Variants in TLL1 observed in about 807,000 individuals in gnomAD.
TLL1 encodes tolloid like 1.
TLL1 carries 49 observed loss-of-function variants against 128.2 expected under a neutral mutation model. The observed-to-expected ratio is 0.38, with a 90% CI of 0.30 to 0.48. The LOEUF is 0.48. Ranked by LOEUF, TLL1 falls within the 20% of genes least tolerant of loss-of-function variation. The pLI, the probability that TLL1 is intolerant of heterozygous loss-of-function variation, is 0.96. For missense variants in TLL1, 1,123 were observed against 1,242.0 expected (o/e 0.90, Z 1.44); for synonymous variants, 454 against 418.8 (o/e 1.08, Z -1.03).
At chr4:165,992,148 A>G (rs190772061) in intron 2 of TLL1, among the ~76,000 whole-genome samples, 2 of 152,074 alleles carry the variant, frequency 1.3e-5, no homozygotes, top group Admixed American at 1.3e-4. Flanking sequence ...GACTTTTTTT[A>G]CACTCTGTTT....
intron 1 of TLL1, among the ~76,000 whole-genome samples, chr4:165,902,469 T>C (rs1013401779): frequency 2.0e-5 from 3 of 152,108 alleles, no homozygotes; most frequent in Admixed American, 1.3e-4. Flanking sequence ...AAAAGCACAG[T>C]ATTTGAGCCA....
At chr4:165,997,726 A>G (rs956744130) in intron 5 of TLL1, among the ~76,000 whole-genome samples, 1 of 152,180 alleles carries the variant, frequency 6.6e-6, no homozygotes, top group African/African-American at 2.4e-5. Context: ...AATAAAATAT[A>G]ATAAGCAAAA....
intron 18 of TLL1, among the ~76,000 whole-genome samples, chr4:166,088,477 T>C (rs1022368541): frequency 5.3e-5 from 8 of 152,084 alleles, no homozygotes; most frequent in African/African-American, 1.7e-4. Flanking sequence ...ATCTTTACTA[T>C]ACAAGGGACA....
intron 9 of TLL1, among the ~76,000 whole-genome samples, chr4:166,037,332 G>A (rs1177938857): frequency 2.0e-5 from 3 of 152,214 alleles, no homozygotes; most frequent in East Asian, 3.9e-4. Flanking sequence ...AGATACTAAA[G>A]CATTTTGATA....
intron 1 of TLL1, among the ~76,000 whole-genome samples, chr4:165,972,594 ACTGT>A (rs752229853): frequency 3.4e-4 from 52 of 152,210 alleles, no homozygotes; most frequent in African/African-American, 1.1e-3. Flanking sequence ...CTCTTGGTTG[ACTGT>A]CTGTCTATTT....
At chr4:166,006,924 T>A (rs959493938) in intron 6 of TLL1, among the ~76,000 whole-genome samples, 1 of 151,680 alleles carries the variant, frequency 6.6e-6, no homozygotes, top group Non-Finnish European at 1.5e-5. Flanking sequence ...AACTCTGTAT[T>A]AATGGGATCT....
chr4:165,902,559 CT>C (rs1732047473), intron 1 of TLL1, among the ~76,000 whole-genome samples: 2 of 152,266 alleles, frequency 1.3e-5, no homozygotes, highest in Non-Finnish European at 2.9e-5. Flanking sequence ...CTTCTGCTTC[CT>C]GGGTGAGGCG....
intron 9 of TLL1, among the ~76,000 whole-genome samples, chr4:166,034,222 C>A (rs1029591386): frequency 2.0e-5 from 3 of 152,062 alleles, no homozygotes; most frequent in Non-Finnish European, 2.9e-5. Context: ...AAGCTCAGAT[C>A]TTGTTGGAAG....
chr4:165,882,832 G>A (rs1017726116), intron 1 of TLL1, among the ~76,000 whole-genome samples: 23 of 151,728 alleles, frequency 1.5e-4, no homozygotes, highest in Admixed American at 6.6e-5. Context: ...TGGTCAGGCT[G>A]GTCTCGAACT....
At position 165,993,478 on chromosome 4, in the gene TLL1, AT is replaced by A. The variant is rs140292529; in HGVS notation, c.361+596del. On this transcript the variant is annotated intron_variant, in intron 3 of 20. Coordinates refer to ENST00000061240, the MANE Select transcript of TLL1 (RefSeq NM_012464.5). ...TAGCTCATATTCTAACGTTCCTTAA[AT>A]TGATGGATTACTAATTAAATGCTTG... Among the ~76,000 whole-genome samples the A allele has an allele frequency of 4.4e-3, 674 of 152,082 alleles. 9 individuals carry two copies. Among genetic ancestry groups the A allele is most frequent in the African/African-American group, 0.015 (604 of 41,500 alleles).
chr4:166,005,465 G>T (rs994146101), intron 6 of TLL1, among the ~76,000 whole-genome samples: 1 of 151,848 alleles, frequency 6.6e-6, no homozygotes, highest in Non-Finnish European at 1.5e-5. Context: ...TTGCCTGAAA[G>T]GTAAGAGAAA....
intron 1 of TLL1, among the ~76,000 whole-genome samples, chr4:165,930,678 T>C (rs747860341): frequency 6.6e-6 from 1 of 152,210 alleles, no homozygotes; most frequent in Non-Finnish European, 1.5e-5. Flanking sequence ...ATTTCTGCAA[T>C]TGAGATCAGT....
chr4:165,914,813 T>C (rs538888256), intron 1 of TLL1, among the ~76,000 whole-genome samples: 20 of 152,332 alleles, frequency 1.3e-4, no homozygotes, highest in African/African-American at 4.8e-4. Context: ...GATGTTATAC[T>C]GATCAGCAAA....
intron 12 of TLL1, among the ~76,000 whole-genome samples, chr4:166,051,039 CT>C (rs1739697222): frequency 1.3e-5 from 2 of 152,232 alleles, no homozygotes; most frequent in South Asian, 4.1e-4. Context: ...GATATTAGGT[CT>C]GTTTACATTA....
At chr4:166,097,534 C>G (rs1288650250) in intron 19 of TLL1, among the ~76,000 whole-genome samples, 1 of 152,086 alleles carries the variant, frequency 6.6e-6, no homozygotes, top group African/African-American at 2.4e-5. Flanking sequence ...ACACAAAGGT[C>G]TCTGAATTTG....
chr4:166,022,860 GT>G (rs141194844), intron 8 of TLL1, among the ~76,000 whole-genome samples: 2,588 of 152,218 alleles, frequency 0.017, 83 homozygotes, highest in African/African-American at 0.058. Flanking sequence ...CTTCTCAGTT[GT>G]TTTGTTTTAA....
intron 1 of TLL1, among the ~76,000 whole-genome samples, chr4:165,984,485 TTGTC>T (rs990070350): frequency 4.6e-5 from 7 of 151,956 alleles, no homozygotes; most frequent in Non-Finnish European, 1.0e-4. Flanking sequence ...ACTGTTGCCT[TTGTC>T]TGAGAAAATT....
chr4:166,051,395 G>A (rs187606282), intron 12 of TLL1, among the ~76,000 whole-genome samples: 1 of 146,878 alleles, frequency 6.8e-6, no homozygotes, highest in Admixed American at 6.9e-5. Flanking sequence ...CATCGCCTTT[G>A]GTGTTCTTTT....
chr4:165,902,269 C>T (rs1023539001), intron 1 of TLL1, among the ~76,000 whole-genome samples: 2 of 151,208 alleles, frequency 1.3e-5, no homozygotes, highest in African/African-American at 2.4e-5. Flanking sequence ...GTCTCACTGG[C>T]GTTCCAGGTG....
Sources: gnomAD v4.1 joint callset for allele counts (sites outside exome capture counted in the v4.1 genomes callset) on GRCh38, gnomAD v4.1.1 for gene constraint, MANE v1.5 for transcripts, NCBI Gene and HGNC (gene_info 2026-07-23, HGNC 2026-07-21) for gene names.